ANKS1B: variants seen among roughly 807,000 people sequenced by gnomAD.
ANKS1B encodes ankyrin repeat and sterile alpha motif domain containing 1B.
In ANKS1B, 36 loss-of-function variants were observed where a neutral mutation model predicts 148.3. The observed-to-expected ratio is 0.24, with a 90% CI of 0.19 to 0.32. The LOEUF (loss-of-function observed/expected upper bound fraction) is 0.32, where lower values mean the gene tolerates loss of function less well. Ranked by LOEUF, ANKS1B falls within the 10% of genes least tolerant of loss-of-function variation. ANKS1B has a pLI of 1.00. For missense variants in ANKS1B, 1,157 were observed against 1,542.6 expected (o/e 0.75, Z 4.19); for synonymous variants, 542 against 560.8 (o/e 0.97, Z 0.47).
intron 8 of ANKS1B, among the ~76,000 whole-genome samples, chr12:99,686,066 A>G (rs2098647970): frequency 6.6e-6 from 1 of 152,118 alleles, no homozygotes; most frequent in Non-Finnish European, 1.5e-5. Flanking sequence ...AATCTCACAA[A>G]TCACCACTAA....
intron 14 of ANKS1B, among the ~76,000 whole-genome samples, chr12:99,213,582 T>A (rs80040774): frequency 6.6e-6 from 1 of 152,206 alleles, no homozygotes; most frequent in Non-Finnish European, 1.5e-5. Context: ...ATAATGGGGA[T>A]GTGTATATGG....
intron 9 of ANKS1B, among the ~76,000 whole-genome samples, chr12:99,526,101 C>T (rs551850073): frequency 5.3e-5 from 8 of 151,928 alleles, no homozygotes; most frequent in Non-Finnish European, 1.2e-4. Flanking sequence ...TACATGAAAG[C>T]AAGATAACAC....
At position 99,817,640 on chromosome 12, in the gene ANKS1B, C is replaced by A. The variant is rs147112920; in HGVS notation, c.216-5329G>T. Among the ~76,000 whole-genome samples the A allele has an allele frequency of 1.0e-3, 157 of 151,694 alleles. 1 individual carries two copies. Among genetic ancestry groups the A allele is most frequent in the African/African-American group, 3.6e-3 (149 of 41,460 alleles). The stretch of plus-strand genomic sequence containing the variant: ...AATTTACATTCCCATCAATGGTGTA[C>A]CTGCATTCCCCTTCCTCTGCATCCT... On this transcript the variant is annotated intron_variant, in intron 2 of 26. Coordinates refer to ENST00000683438, the MANE Select transcript of ANKS1B (RefSeq NM_001352186.2).
intron 12 of ANKS1B, among the ~76,000 whole-genome samples, chr12:99,382,990 G>A (rs1198497757): frequency 6.6e-6 from 1 of 151,816 alleles, no homozygotes; most frequent in Non-Finnish European, 1.5e-5. Flanking sequence ...AGCTTTCACA[G>A]TCAATCAAAA....
chr12:99,782,209 C>T lies in ANKS1B; in HGVS notation c.670-112G>A, dbSNP rs193105321. On this transcript the variant is annotated intron_variant, in intron 4 of 26. Transcript: ENST00000683438. ...TCATACATATTTGCTGTAATCTCAG[C>T]TCTCCCTAACAGAAAGGTCATGTGG... 8 of 837,646 alleles carry T rather than the reference C, an allele frequency of 9.6e-6. No individual in the cohort carries two copies. The Admixed American group carries it at 2.1e-4, about 22-fold the overall frequency. The allele number at this position is 837,646 out of a possible 1,614,324, so 51.9% of individuals were successfully genotyped here. A position where few individuals can be genotyped will look rare whatever the true frequency, so the allele number is the denominator to read the frequency against.
chr12:99,514,531 T>G (rs200442337), intron 9 of ANKS1B, among the ~76,000 whole-genome samples: 2 of 152,026 alleles, frequency 1.3e-5, no homozygotes. Context: ...CTCACAACAA[T>G]CCAGCCAATG....
chr12:99,537,760 G>T (rs1423057853), intron 9 of ANKS1B, among the ~76,000 whole-genome samples: 1 of 151,974 alleles, frequency 6.6e-6, no homozygotes, highest in Non-Finnish European at 1.5e-5. Flanking sequence ...TTTTTAACTT[G>T]ATGTAATCCC....
chr12:99,356,500 C>T (rs906626613), intron 12 of ANKS1B, among the ~76,000 whole-genome samples: 3 of 152,128 alleles, frequency 2.0e-5, no homozygotes, highest in Admixed American at 6.5e-5. Flanking sequence ...ATTCCTTCCT[C>T]CTGTGCTTCA....
intron 1 of ANKS1B, among the ~76,000 whole-genome samples, chr12:99,928,953 T>C (rs907576631): frequency 1.3e-5 from 2 of 152,146 alleles, no homozygotes; most frequent in Non-Finnish European, 2.9e-5. Flanking sequence ...GAGTGATAAG[T>C]AAACTAGTTA....
intron 1 of ANKS1B, among the ~76,000 whole-genome samples, chr12:99,918,199 C>T (rs116660844): frequency 2.3e-3 from 349 of 152,304 alleles, no homozygotes; most frequent in African/African-American, 7.9e-3. Flanking sequence ...GATCATTACA[C>T]GATGTTCTGT....
intron 9 of ANKS1B, among the ~76,000 whole-genome samples, chr12:99,573,912 T>C (rs1013954136): frequency 1.3e-5 from 2 of 152,062 alleles, no homozygotes; most frequent in African/African-American, 4.8e-5. Context: ...AAAAAATTTT[T>C]TTTAATTTCT....
At chr12:99,576,986 C>T (rs1238342060) in intron 9 of ANKS1B, among the ~76,000 whole-genome samples, 2 of 151,738 alleles carry the variant, frequency 1.3e-5, no homozygotes, top group Non-Finnish European at 2.9e-5. Flanking sequence ...TAGAAACCTA[C>T]ATTAAGAAGT....
At position 99,536,239 on chromosome 12, in the gene ANKS1B, T is replaced by C. The variant is rs567445479; in HGVS notation, c.1273-31598A>G. On this transcript the variant is annotated intron_variant, in intron 9 of 26. Transcript: ENST00000683438. Reference sequence around the variant, plus strand: ...AACTATGAACTGAGGGTGATGATGATGTGTCAATGTAGGTTCATCAATTGT... The same window carrying C: ...AACTATGAACTGAGGGTGATGATGACGTGTCAATGTAGGTTCATCAATTGT... Among the ~76,000 whole-genome samples the C allele has an allele frequency of 2.0e-5, 3 of 152,290 alleles. No individual in the cohort carries two copies. The South Asian group carries it at 6.2e-4, about 32-fold the overall frequency.
intron 11 of ANKS1B, among the ~76,000 whole-genome samples, chr12:99,431,622 T>G (rs1041602617): frequency 6.6e-6 from 1 of 152,212 alleles, no homozygotes; most frequent in African/African-American, 2.4e-5. Context: ...GGAAACTTTT[T>G]ATATAAGAAC....
In ANKS1B at chr12:99,401,712, A is replaced by G. The variant is rs190910382; in HGVS notation, c.1576-1901T>C. On this transcript the variant is annotated intron_variant, in intron 11 of 26. Coordinates refer to ENST00000683438, the MANE Select transcript of ANKS1B (RefSeq NM_001352186.2). Reference sequence around the variant, plus strand: ...CCTGTTTTCTGTATGAATATAAACGAGGTGGGAGGATGGATGGCACATGAG... The same window carrying G: ...CCTGTTTTCTGTATGAATATAAACGGGGTGGGAGGATGGATGGCACATGAG... Among the ~76,000 whole-genome samples the G allele has an allele frequency of 6.1e-3, 901 of 146,782 alleles. 102 individuals carry two copies. The highest frequency in any genetic ancestry group is 8.2e-3 in the Non-Finnish European group (543 of 66,300).
intron 15 of ANKS1B, among the ~76,000 whole-genome samples, chr12:99,108,165 A>G (rs1034035149): frequency 1.3e-5 from 2 of 152,216 alleles, no homozygotes; most frequent in Admixed American, 6.5e-5. Flanking sequence ...TTACCAGTGA[A>G]CCATCAAAGT....
At chr12:99,438,275 T>C (rs191929108) in intron 11 of ANKS1B, among the ~76,000 whole-genome samples, 1 of 151,910 alleles carries the variant, frequency 6.6e-6, no homozygotes, top group South Asian at 2.1e-4. Flanking sequence ...TCCAAAAATA[T>C]AATTATCCTC....
intron 14 of ANKS1B, among the ~76,000 whole-genome samples, chr12:99,217,083 A>AT (rs2084324168): frequency 6.6e-6 from 1 of 152,202 alleles, no homozygotes; most frequent in Non-Finnish European, 1.5e-5. Flanking sequence ...TGGAGCCAAC[A>AT]TATCACCTTG....
At chr12:99,215,331 G>A (rs2083992461) in intron 14 of ANKS1B, among the ~76,000 whole-genome samples, 1 of 152,226 alleles carries the variant, frequency 6.6e-6, no homozygotes, top group South Asian at 2.1e-4. Context: ...GGGCAGTCTG[G>A]AAGGGAAATG....
Sources: gnomAD v4.1 joint callset for allele counts (sites outside exome capture counted in the v4.1 genomes callset) on GRCh38, gnomAD v4.1.1 for gene constraint, MANE v1.5 for transcripts, NCBI Gene and HGNC (gene_info 2026-07-23, HGNC 2026-07-21) for gene names.